The following LPCAT2 variants were observed in gnomAD, a reference collection of about 807,000 sequenced individuals.
LPCAT2 encodes the protein 1-AGP acyltransferase 11.
Under a neutral mutation model 64.7 loss-of-function variants are expected in LPCAT2, and 58 were observed. The observed-to-expected ratio is 0.90, with a 90% CI of 0.73 to 1.12. The LOEUF is 1.12. Ranked by LOEUF, LPCAT2 falls within the 50% of genes most tolerant of loss-of-function variation. The probability of loss-of-function intolerance (pLI) is 0.00; values close to 1 mark genes in which losing one functional copy is unlikely to be tolerated. For missense variants in LPCAT2, 579 were observed against 669.8 expected (o/e 0.86, Z 1.50); for synonymous variants, 252 against 245.3 (o/e 1.03, Z -0.26).
Position 55,509,093 on chromosome 16 carries a change from T to G in LPCAT2, c.-89T>G, listed in dbSNP as rs767576516. On this transcript the variant is annotated 5_prime_UTR_variant, in exon 1 of 14. Coordinates refer to ENST00000262134, the MANE Select transcript of LPCAT2 (RefSeq NM_017839.5). ...GCGCAGAGGCTCCCCAGCGTCGCCC[T>G]AGGCTGGGACTCTAGTAGGTCTTCG... The G allele has an allele frequency of 1.3e-5, 15 of 1,147,132 alleles. No homozygotes were observed. The highest frequency in any genetic ancestry group is 1.3e-5 in the Non-Finnish European group (12 of 896,168). The allele number at this position is 1,147,132 out of a possible 1,614,324, so 71.1% of individuals were successfully genotyped here. A position where few individuals can be genotyped will look rare whatever the true frequency, so the allele number is the denominator to read the frequency against.
chr16:55,536,228 C>T (rs955771538), intron 7 of LPCAT2, among the ~76,000 whole-genome samples: 8 of 152,104 alleles, frequency 5.3e-5, no homozygotes, highest in Admixed American at 1.3e-4. Flanking sequence ...TATACCAAAA[C>T]GAATATCCCA....
chr16:55,541,707 G>A, intron 8 of LPCAT2: 1 of 347,734 alleles, frequency 2.9e-6, no homozygotes, highest in Non-Finnish European at 5.2e-6. Flanking sequence ...TTCTAAGCCT[G>A]CATTCTCACT....
At chr16:55,542,906 TGAG>T (rs1189178463) in intron 8 of LPCAT2, among the ~76,000 whole-genome samples, 1 of 152,080 alleles carries the variant, frequency 6.6e-6, no homozygotes, top group Non-Finnish European at 1.5e-5. Flanking sequence ...ATGTGAGTAA[TGAG>T]GATACTGAGA....
rs1963907171 is a variant in LPCAT2, at chr16:55,583,222, G to A, written c.*124G>A. 3 of 743,390 alleles carry A rather than the reference G, an allele frequency of 4.0e-6. No homozygotes were observed. The highest frequency in any genetic ancestry group is 2.0e-6 in the Non-Finnish European group (1 of 490,498). 46.0% of individuals were successfully genotyped at this position (743,390 alleles called of 1,614,324 possible). A position where few individuals can be genotyped will look rare whatever the true frequency, so the allele number is the denominator to read the frequency against. ...ATTGAAAGATTTTTAAAACAAAAAT[G>A]ATAGATTTTCTTACTAAAAATGTTT... On this transcript the variant is annotated 3_prime_UTR_variant, in exon 14 of 14. Transcript: ENST00000262134.
intron 11 of LPCAT2, among the ~76,000 whole-genome samples, chr16:55,572,079 C>A (rs1963776432): frequency 6.6e-6 from 1 of 152,112 alleles, no homozygotes; most frequent in African/African-American, 2.4e-5. Context: ...GATTCATATA[C>A]CCTCTCTTGT....
chr16:55,565,388 C>CA (rs1463732025), intron 11 of LPCAT2, among the ~76,000 whole-genome samples: 1 of 151,996 alleles, frequency 6.6e-6, no homozygotes, highest in Non-Finnish European at 1.5e-5. Context: ...AGCAAAGACT[C>CA]AAACAAATAT....
At chr16:55,526,524 A>G (rs559831058) in intron 2 of LPCAT2, among the ~76,000 whole-genome samples, 86 of 152,340 alleles carry the variant, frequency 5.6e-4, no homozygotes, top group Non-Finnish European at 3.5e-4. Context: ...TTTTAAAGAA[A>G]TACATAGTTT....
At chr16:55,524,804 A>G (rs1312730323) in intron 1 of LPCAT2, among the ~76,000 whole-genome samples, 6 of 152,026 alleles carry the variant, frequency 3.9e-5, no homozygotes, top group Non-Finnish European at 8.8e-5. Flanking sequence ...TGGTTCTACC[A>G]CTTGTGATCT....
At position 55,573,346 on chromosome 16, in the gene LPCAT2, T is replaced by C. The variant is rs1033166482; in HGVS notation, c.1216-1285T>C. Among the ~76,000 whole-genome samples, 4 of 152,202 alleles carry C rather than the reference T, an allele frequency of 2.6e-5. No individual in the cohort carries two copies. In the East Asian group the frequency reaches 7.7e-4, roughly 29 times the overall value. Reference sequence around the variant, plus strand: ...TTTTAAAGTGGAAGTTCTATGAACCTAGAGTAGTAGGTAACGGTAGATGAG... The same window carrying C: ...TTTTAAAGTGGAAGTTCTATGAACCCAGAGTAGTAGGTAACGGTAGATGAG... On this transcript the variant is annotated intron_variant, in intron 11 of 13. Coordinates refer to ENST00000262134, the MANE Select transcript of LPCAT2 (RefSeq NM_017839.5).
chr16:55,537,958 C>A (rs964152015), intron 8 of LPCAT2, among the ~76,000 whole-genome samples: 1 of 152,168 alleles, frequency 6.6e-6, no homozygotes, highest in Non-Finnish European at 1.5e-5. Flanking sequence ...GCTGATAGAG[C>A]CCCACACCTC....
chr16:55,554,037 A>G lies in LPCAT2; in HGVS notation c.1215+2935A>G, dbSNP rs540162509. Among the ~76,000 whole-genome samples, 14 of 152,292 alleles carry G rather than the reference A, an allele frequency of 9.2e-5. No homozygotes were observed. In the South Asian group the frequency reaches 2.5e-3, roughly 27 times the overall value. On this transcript the variant is annotated intron_variant, in intron 11 of 13. Coordinates refer to ENST00000262134, the MANE Select transcript of LPCAT2 (RefSeq NM_017839.5). ...ACAATGTTCTTAAAATAATCTTTAA[A>G]TCATCCTATGAACAAATGTGCAGTC... is the stretch of plus-strand genomic sequence containing the variant.
chr16:55,575,772 CCT>C (rs1963821104), intron 12 of LPCAT2, among the ~76,000 whole-genome samples: 1 of 152,120 alleles, frequency 6.6e-6, no homozygotes, highest in Non-Finnish European at 1.5e-5. Flanking sequence ...CAGAAGAGCC[CCT>C]GAGTTTACTT....
At chr16:55,532,632 A>G (rs1963268582) in intron 5 of LPCAT2, 192 bp from the exon 6 acceptor site, 1 of 338,878 alleles carries the variant, frequency 3.0e-6, no homozygotes, top group East Asian at 4.8e-5. Flanking sequence ...ATTTTGCTTC[A>G]GTAGTTCTTA....
chr16:55,549,355 T>C lies in LPCAT2; in HGVS notation c.1014T>C (p.Pro338=). ...TTTCAGCAGGACAGCTAACATTGCC[T>C]ATGGAAGCTGGGCTGGTGGAATTTA... ...LMISAGQLTL[P]MEAGLVEFTK... The change falls in exon 10 of 14, where the codon CCT becomes CCC. Residue 338 remains proline (P), a synonymous_variant. Coordinates refer to ENST00000262134, the MANE Select transcript of LPCAT2 (RefSeq NM_017839.5). 1 of 1,603,336 alleles carries C rather than the reference T, an allele frequency of 6.2e-7. No individual in the cohort carries two copies. Among genetic ancestry groups the C allele is most frequent in the Non-Finnish European group, 8.5e-7 (1 of 1,176,032 alleles).
chr16:55,557,327 A>G (rs1277192249), intron 11 of LPCAT2, among the ~76,000 whole-genome samples: 1 of 149,448 alleles, frequency 6.7e-6, no homozygotes, highest in Admixed American at 6.7e-5. Flanking sequence ...AACACACCTG[A>G]ATGTCTGTGC....
intron 8 of LPCAT2, among the ~76,000 whole-genome samples, chr16:55,544,875 G>A (rs1047050689): frequency 1.3e-5 from 2 of 152,062 alleles, no homozygotes; most frequent in Non-Finnish European, 2.9e-5. Flanking sequence ...CATGCCTTTA[G>A]GTAAGTTAAT....
At chr16:55,582,739 T>C (rs140341264) in intron 13 of LPCAT2, among the ~76,000 whole-genome samples, 175 bp from the exon 14 acceptor site, 70 of 152,318 alleles carry the variant, frequency 4.6e-4, no homozygotes, top group African/African-American at 1.7e-3. Flanking sequence ...CTTGACTAGA[T>C]AATGGAAAAA....
chr16:55,557,948 C>G (rs1963596015), intron 11 of LPCAT2, among the ~76,000 whole-genome samples: 1 of 152,122 alleles, frequency 6.6e-6, no homozygotes, highest in Non-Finnish European at 1.5e-5. Context: ...TATTCATGAT[C>G]CAAAGCATGG....
At chr16:55,529,971 T>C in intron 4 of LPCAT2, 24 bp downstream of exon 4, 1 of 1,525,736 alleles carries the variant, frequency 6.6e-7, no homozygotes, top group Non-Finnish European at 9.0e-7. Context: ...GATGTTAATT[T>C]AAATATAGTG....
Sources: allele counts gnomAD v4.1 joint callset (sites outside exome capture counted in the v4.1 genomes callset), GRCh38; gene constraint gnomAD v4.1.1; transcripts MANE v1.5; gene names NCBI Gene and HGNC (gene_info 2026-07-23, HGNC 2026-07-21).